Variants in TMEM175 observed in about 807,000 individuals in gnomAD.
TMEM175 encodes the protein transmembrane protein 175.
In TMEM175, 36 loss-of-function variants were observed where a neutral mutation model predicts 36.5. The ratio of observed to expected loss-of-function variants is 0.99; its 90% CI spans 0.76 to 1.30. TMEM175 has a LOEUF of 1.30. Among genes scored for constraint, TMEM175 ranks in the 50% most tolerant of loss-of-function variants. The pLI is 0.00. For missense variants in TMEM175, 705 were observed against 692.8 expected, an observed-to-expected ratio of 1.02 and a Z score of -0.20; for synonymous variants, 339 against 313.4, an observed-to-expected ratio of 1.08 and a Z score of -0.86.
chr4:955,549 C>G (rs541326499), intron 9 of TMEM175, 66 bp downstream of exon 9: 1 of 1,537,604 alleles, frequency 6.5e-7, no homozygotes, highest in Admixed American at 1.7e-5. Context: ...GCGGCTGCTC[C>G]GCACTGAGGG....
In TMEM175 at chr4:957,885, G is replaced by C; in HGVS notation, c.904G>C (p.Ala302Pro). 6 of 1,612,768 alleles carry C rather than the reference G, an allele frequency of 3.7e-6. No individual in the cohort carries two copies. The highest frequency in any genetic ancestry group is 5.1e-6 in the Non-Finnish European group (6 of 1,179,944). The change falls in exon 11 of 11, where the codon GCC (alanine) becomes CCC (proline). Residue 302 changes from alanine to proline, a missense_variant. Physicochemically the swap from Ala to Pro is conservative, Grantham distance 27 (BLOSUM62 -1). Coordinates refer to ENST00000264771, the MANE Select transcript of TMEM175 (RefSeq NM_032326.4). ...KERFSGSLVA[A>P]LSATGPRFLA... ...GAGGTTCAGCGGCAGCCTCGTGGCC[G>C]CCCTGAGTGCGACCGGGCCGCGCTT...
chr4:955,902 G>A lies in TMEM175; in HGVS notation c.842+12G>A, dbSNP rs199946019. 7 of 1,609,772 alleles carry A rather than the reference G, an allele frequency of 4.3e-6. No individual in the cohort carries two copies. Among genetic ancestry groups the A allele is most frequent in the Non-Finnish European group, 5.9e-6 (7 of 1,176,744 alleles). On this transcript the variant is annotated intron_variant, in intron 10 of 10. Transcript: ENST00000264771. ...ATCCTGGACATCTGGTGAGGACCCC[G>A]CGTCACCTGCCCCAGCTATCAGGTG... is the stretch of plus-strand genomic sequence containing the variant.
In TMEM175 at chr4:943,687, G is replaced by A. The variant is rs184669385; in HGVS notation, c.-31-4022G>A. On this transcript the variant is annotated intron_variant, in intron 1 of 10. Transcript: ENST00000264771. ...GGGTGGTTTCTCAGGAAGGAAACAT[G>A]TCCTTACAATACGACCCAGCAAAAC... Among the ~76,000 whole-genome samples the A allele has an allele frequency of 2.0e-4, 30 of 152,344 alleles. No individual in the cohort carries two copies. The East Asian group carries it at 5.2e-3, about 26-fold the overall frequency.
Position 957,991 on chromosome 4 carries a change from C to G in TMEM175, c.1010C>G (p.Ala337Gly). 1 of 1,612,818 alleles carries G rather than the reference C, an allele frequency of 6.2e-7. No individual in the cohort carries two copies. ...TCACTCTTCCTGCATGTGCGCAAGG[C>G]CACGCGGGCCATGGGGCTGCTGAAC... ...HHSLFLHVRKATRAMGLLNTL... is the reference protein window; with the variant it reads ...HHSLFLHVRKGTRAMGLLNTL... The change falls in exon 11 of 11, where the codon GCC becomes GGC. Residue 337 changes from alanine (A) to glycine (G), a missense_variant. By Grantham distance (60) the Ala-to-Gly change is moderately conservative. Transcript: ENST00000264771.
intron 10 of TMEM175, 187 bp downstream of exon 10, chr4:956,077 C>CCCTTCCCAGCGGCCCCTT: frequency 1.2e-6 from 1 of 818,890 alleles, no homozygotes; most frequent in Non-Finnish European, 1.9e-6. Context: ...GGCGGCCCCT[C>CCCTTCCCAGCGGCCCCTT]CCTTCCCAGC....
intron 3 of TMEM175, among the ~76,000 whole-genome samples, chr4:948,786 G>T (rs556097960): frequency 3.5e-4 from 54 of 152,362 alleles, no homozygotes; most frequent in African/African-American, 1.3e-3. Context: ...GGTGCGCAAG[G>T]CACAGCAGTG....
intron 1 of TMEM175, among the ~76,000 whole-genome samples, chr4:933,111 G>A (rs1402661860): frequency 1.3e-5 from 2 of 152,202 alleles, no homozygotes; most frequent in African/African-American, 2.4e-5. Context: ...TTCCTTATAG[G>A]ATAATAAGGA....
At chr4:951,880 T>A in intron 6 of TMEM175, 163 bp downstream of exon 6, 1 of 750,340 alleles carries the variant, frequency 1.3e-6, no homozygotes, top group Non-Finnish European at 2.2e-6. Context: ...TGTTGGGGGC[T>A]TCTTTCAGGC....
chr4:951,525 C>A, intron 5 of TMEM175, 157 bp from the exon 6 acceptor site: 1 of 940,882 alleles, frequency 1.1e-6, no homozygotes, highest in Non-Finnish European at 1.7e-6. Flanking sequence ...TGAGTGCCCC[C>A]ATCTGGCCCT....
At chr4:935,895 CT>C (rs1181290836) in intron 1 of TMEM175, among the ~76,000 whole-genome samples, 1 of 152,108 alleles carries the variant, frequency 6.6e-6, no homozygotes, top group African/African-American at 2.4e-5. Flanking sequence ...TTTCAACTCA[CT>C]TTTAAATAAC....
chr4:952,286 G>C, intron 6 of TMEM175, 81 bp from the exon 7 acceptor site: 1 of 1,273,972 alleles, frequency 7.8e-7, no homozygotes, highest in South Asian at 1.2e-5. Flanking sequence ...GAGTGGGGAG[G>C]CTCACCATGG....
chr4:945,732 TAA>T (rs1410490647), intron 1 of TMEM175, among the ~76,000 whole-genome samples: 1 of 151,896 alleles, frequency 6.6e-6, no homozygotes, highest in Non-Finnish European at 1.5e-5. Flanking sequence ...CCCTTTGGAG[TAA>T]AACCTGGGGG....
At position 953,252 on chromosome 4, in the gene TMEM175, T is replaced by C. The variant is rs1437909170; in HGVS notation, c.525T>C (p.Ser175=). ...PHLLSPQIQR[S]AHRALYRRHV... ...TGCTGAGCCCGCAGATCCAGCGCTCTGCCCACAGGGCTCTGTACCGACGAC... is the reference window on the plus strand; with the variant it reads ...TGCTGAGCCCGCAGATCCAGCGCTCCGCCCACAGGGCTCTGTACCGACGAC... Residue 175 remains serine, a synonymous_variant, in exon 8 of 11, where the codon TCT becomes TCC. Coordinates refer to ENST00000264771, the MANE Select transcript of TMEM175 (RefSeq NM_032326.4). The C allele has an allele frequency of 5.6e-6, 9 of 1,613,880 alleles. No individual in the cohort carries two copies. Among genetic ancestry groups the C allele is most frequent in the Admixed American group, 3.3e-5 (2 of 59,986 alleles).
intron 1 of TMEM175, among the ~76,000 whole-genome samples, chr4:941,005 CAAAATA>C (rs1358163750): frequency 1.3e-4 from 5 of 38,956 alleles, no homozygotes; most frequent in Non-Finnish European, 1.9e-4. Flanking sequence ...GACTCCGTCT[CAAAATA>C]ATAATAATAA....
chr4:948,279 C>G, intron 3 of TMEM175, 125 bp downstream of exon 3: 1 of 1,587,836 alleles, frequency 6.3e-7, no homozygotes, highest in Non-Finnish European at 8.6e-7. Context: ...GAGGCAGAGG[C>G]GGGAGGCGGG....
At chr4:953,707 G>T (rs769283008) in intron 8 of TMEM175, among the ~76,000 whole-genome samples, 10 of 152,204 alleles carry the variant, frequency 6.6e-5, no homozygotes, top group Non-Finnish European at 1.3e-4. Flanking sequence ...GTTCATTGAG[G>T]CAAGATCTCG....
intron 8 of TMEM175, 151 bp from the exon 9 acceptor site, chr4:955,254 C>T: frequency 1.6e-6 from 1 of 617,210 alleles, no homozygotes; most frequent in South Asian, 1.9e-5. Flanking sequence ...GAATCCTTTA[C>T]ACTTTTTGGG....
At chr4:942,895 C>T (rs1345204337) in intron 1 of TMEM175, among the ~76,000 whole-genome samples, 1 of 152,148 alleles carries the variant, frequency 6.6e-6, no homozygotes, top group Non-Finnish European at 1.5e-5. Context: ...CCGCCTCTGC[C>T]TCCCAAAATG....
At position 954,555 on chromosome 4, in the gene TMEM175, T is replaced by G. The variant is rs112001696; in HGVS notation, c.628-850T>G. ...TGGCGCCGGTGTGAGCATTGTTGCG[T>G]GTGGAGCCACTGTGGGCATTGCTGG... On this transcript the variant is annotated intron_variant, in intron 8 of 10. Coordinates refer to ENST00000264771, the MANE Select transcript of TMEM175 (RefSeq NM_032326.4). 4.7e-3 allele frequency among the ~76,000 whole-genome samples: 715 copies of G among 152,278 alleles called. 39 individuals are homozygous for G. In the South Asian group the frequency reaches 0.1, roughly 22 times the overall value.
Sources: gnomAD v4.1 joint callset for allele counts (sites outside exome capture counted in the v4.1 genomes callset) on GRCh38, gnomAD v4.1.1 for gene constraint, MANE v1.5 for transcripts, NCBI Gene and HGNC (gene_info 2026-07-23, HGNC 2026-07-21) for gene names.